NCOA1: variants seen among roughly 807,000 people sequenced by gnomAD.
NCOA1 encodes the protein nuclear receptor coactivator 1, also known as Hin-2 protein.
NCOA1 carries 35 observed loss-of-function variants against 150.9 expected under a neutral mutation model. That is an observed-to-expected ratio of 0.23 (90% CI 0.18 to 0.31). The LOEUF (loss-of-function observed/expected upper bound fraction) is 0.31. Among genes scored for constraint, NCOA1 ranks in the 10% least tolerant of loss-of-function variants. The pLI is 1.00. For missense variants in NCOA1, 1,491 were observed against 1,749.3 expected (o/e 0.85, Z 2.63); for synonymous variants, 590 against 630.0 (o/e 0.94, Z 0.95).
rs542130425 is a variant in NCOA1, at chr2:24,555,597, A to G, written c.-395-8698A>G. Among the ~76,000 whole-genome samples the G allele has an allele frequency of 3.3e-5, 5 of 152,366 alleles. No individual in the cohort carries two copies. In the South Asian group the frequency reaches 8.3e-4, roughly 25 times the overall value. On this transcript the variant is annotated intron_variant, in intron 1 of 22. Coordinates refer to ENST00000348332, the MANE Select transcript of NCOA1 (RefSeq NM_003743.5). ...TGTGGATTTGCCTATTTCTCTTTAC[A>G]GTCCTATCAGTTTTTGTTTCATTTA... is the stretch of plus-strand genomic sequence containing the variant.
At chr2:24,558,583 C>T (rs533754649) in intron 1 of NCOA1, among the ~76,000 whole-genome samples, 2 of 152,292 alleles carry the variant, frequency 1.3e-5, no homozygotes, top group South Asian at 4.1e-4. Flanking sequence ...CCCCTGGGTC[C>T]CTCCCACAAC....
intron 11 of NCOA1, among the ~76,000 whole-genome samples, chr2:24,702,333 T>C (rs1199212122): frequency 2.0e-5 from 3 of 152,238 alleles, no homozygotes; most frequent in Admixed American, 2.0e-4. Flanking sequence ...TTTTTAATTC[T>C]TTATCTTTTT....
chr2:24,535,097 G>A (rs1665069768), intron 1 of NCOA1, among the ~76,000 whole-genome samples: 1 of 152,022 alleles, frequency 6.6e-6, no homozygotes, highest in Non-Finnish European at 1.5e-5. Flanking sequence ...TCTCTTTGTG[G>A]GTCTCTGAGG....
At chr2:24,683,628 T>C (rs1672276954) in intron 8 of NCOA1, among the ~76,000 whole-genome samples, 1 of 152,224 alleles carries the variant, frequency 6.6e-6, no homozygotes, top group South Asian at 2.1e-4. Flanking sequence ...GTGTCTGTTC[T>C]ATTCACTGAA....
At chr2:24,593,954 A>G (rs1004333982) in intron 3 of NCOA1, among the ~76,000 whole-genome samples, 8 of 152,170 alleles carry the variant, frequency 5.3e-5, no homozygotes, top group Non-Finnish European at 1.2e-4. Context: ...GAAGTGTACC[A>G]TTCTTTGATA....
chr2:24,645,003 G>A (rs1670405326), intron 4 of NCOA1, among the ~76,000 whole-genome samples: 1 of 151,992 alleles, frequency 6.6e-6, no homozygotes, highest in African/African-American at 2.4e-5. Context: ...CCTAGAGTGT[G>A]GGGTTTTATA....
chr2:24,753,880 T>G (rs1664368546), intron 20 of NCOA1, among the ~76,000 whole-genome samples: 1 of 152,176 alleles, frequency 6.6e-6, no homozygotes, highest in South Asian at 2.1e-4. Flanking sequence ...TACTCTATAT[T>G]CAGCTGCCTA....
chr2:24,544,320 G>A (rs147622986), intron 1 of NCOA1, among the ~76,000 whole-genome samples: 3 of 152,202 alleles, frequency 2.0e-5, no homozygotes, highest in African/African-American at 2.4e-5. Flanking sequence ...GATTTGGGTT[G>A]GAGATACTGA....
chr2:24,748,573 G>A (rs1000222408), intron 19 of NCOA1, among the ~76,000 whole-genome samples: 35 of 143,110 alleles, frequency 2.4e-4, no homozygotes, highest in Admixed American at 2.2e-3. Flanking sequence ...CAGAGATCAC[G>A]CCATTGTACT....
intron 1 of NCOA1, among the ~76,000 whole-genome samples, chr2:24,501,295 G>C (rs774534062): frequency 2.2e-4 from 33 of 152,090 alleles, no homozygotes; most frequent in Non-Finnish European, 1.3e-4. Flanking sequence ...AAATAAAATA[G>C]TTATATCTCA....
At chr2:24,651,396 T>C (rs1409423684) in intron 4 of NCOA1, among the ~76,000 whole-genome samples, 3 of 152,118 alleles carry the variant, frequency 2.0e-5, no homozygotes, top group African/African-American at 7.2e-5. Context: ...TCCTGCCATT[T>C]GCCACAACAT....
At chr2:24,670,939 A>G (rs1671654216) in intron 6 of NCOA1, among the ~76,000 whole-genome samples, 1 of 152,230 alleles carries the variant, frequency 6.6e-6, no homozygotes, top group African/African-American at 2.4e-5. Context: ...GTGAGGATGC[A>G]GAAGAGCAAA....
intron 3 of NCOA1, among the ~76,000 whole-genome samples, chr2:24,592,578 A>ATTTTTTTTTTTT (rs145333073): frequency 1.3e-4 from 13 of 103,466 alleles, no homozygotes; most frequent in East Asian, 2.6e-4. Flanking sequence ...TCCCCTCCTA[A>ATTTTTTTTTTTT]TTTTTTTTTT....
At chr2:24,494,076 T>C (rs1002461698) in intron 1 of NCOA1, among the ~76,000 whole-genome samples, 5 of 152,186 alleles carry the variant, frequency 3.3e-5, no homozygotes, top group Non-Finnish European at 5.9e-5. Context: ...CAGAATGGAA[T>C]GTTCTGTGCA....
intron 18 of NCOA1, among the ~76,000 whole-genome samples, chr2:24,740,147 A>G (rs1663531165): frequency 6.6e-6 from 1 of 152,162 alleles, no homozygotes; most frequent in Non-Finnish European, 1.5e-5. Context: ...TCTTGGAGAT[A>G]AGGAATTTTA....
chr2:24,739,097 C>T (rs1663472792), intron 17 of NCOA1, among the ~76,000 whole-genome samples: 1 of 152,090 alleles, frequency 6.6e-6, no homozygotes, highest in South Asian at 2.1e-4. Flanking sequence ...TTCTTCTTCC[C>T]CATTGCAGCA....
chr2:24,625,770 T>C (rs559414918), intron 3 of NCOA1, among the ~76,000 whole-genome samples: 6 of 151,500 alleles, frequency 4.0e-5, no homozygotes, highest in Admixed American at 6.6e-5. Context: ...TTTTCCTCCA[T>C]GGATTATTTA....
intron 22 of NCOA1, among the ~76,000 whole-genome samples, chr2:24,763,892 G>A (rs1664922173): frequency 6.6e-6 from 1 of 152,036 alleles, no homozygotes; most frequent in African/African-American, 2.4e-5. Flanking sequence ...AAAGTGCTAG[G>A]ATTACAAGCA....
At chr2:24,645,427 G>A (rs550769129) in intron 4 of NCOA1, among the ~76,000 whole-genome samples, 15 of 150,484 alleles carry the variant, frequency 1.0e-4, no homozygotes, top group South Asian at 2.1e-4. Flanking sequence ...GGCGAATGGC[G>A]TGAACCTGGG....
Sources: gnomAD v4.1 joint callset for allele counts (sites outside exome capture counted in the v4.1 genomes callset) on GRCh38, gnomAD v4.1.1 for gene constraint, MANE v1.5 for transcripts, NCBI Gene and HGNC (gene_info 2026-07-23, HGNC 2026-07-21) for gene names.